CMIP: variants seen among roughly 807,000 people sequenced by gnomAD.
CMIP encodes C-Maf-inducing protein.
Under a neutral mutation model 97.3 loss-of-function variants are expected in CMIP, and 13 were observed. That is an observed-to-expected ratio of 0.13 (90% confidence interval 0.09 to 0.21). CMIP has a LOEUF of 0.21. Among genes scored for constraint, CMIP ranks in the 10% least tolerant of loss-of-function variants. The pLI, the probability that CMIP is intolerant of heterozygous loss-of-function variation, is 1.00. For missense variants in CMIP, 847 were observed against 1,024.9 expected, an observed-to-expected ratio of 0.83 and a Z score of 2.37; for synonymous variants, 538 against 436.3, an observed-to-expected ratio of 1.23 and a Z score of -2.91.
chr16:81,638,035 C>G (rs921841015), intron 3 of CMIP, among the ~76,000 whole-genome samples: 75 of 152,296 alleles, frequency 4.9e-4, no homozygotes, highest in African/African-American at 1.7e-3. Flanking sequence ...ACACCCCCCC[C>G]ACTGGGGATT....
chr16:81,597,133 C>G (rs1286072292), intron 1 of CMIP, among the ~76,000 whole-genome samples: 1 of 152,148 alleles, frequency 6.6e-6, no homozygotes, highest in Non-Finnish European at 1.5e-5. Context: ...TTTGGGAGCA[C>G]AAATATGGGC....
At chr16:81,480,700 T>C (rs1046789757) in intron 1 of CMIP, among the ~76,000 whole-genome samples, 1 of 152,206 alleles carries the variant, frequency 6.6e-6, no homozygotes, top group African/African-American at 2.4e-5. Context: ...TTGGGATTTA[T>C]GGGGTGCCAG....
intron 3 of CMIP, among the ~76,000 whole-genome samples, chr16:81,641,140 A>G (rs989433048): frequency 1.3e-5 from 2 of 152,180 alleles, no homozygotes; most frequent in Non-Finnish European, 2.9e-5. Context: ...TGGAATCTGC[A>G]TGGTAACCAG....
chr16:81,550,944 T>TCA (rs952503709), intron 1 of CMIP, among the ~76,000 whole-genome samples: 5 of 140,058 alleles, frequency 3.6e-5, no homozygotes, highest in Non-Finnish European at 7.6e-5. Flanking sequence ...CCCAGTTCCG[T>TCA]CACACACACC....
At chr16:81,460,550 C>T (rs924237900) in intron 1 of CMIP, among the ~76,000 whole-genome samples, 10 of 152,262 alleles carry the variant, frequency 6.6e-5, no homozygotes, top group East Asian at 3.9e-4. Flanking sequence ...CACACTTGGA[C>T]GGCTGGTCAC....
rs1178272985 is a variant in CMIP, at chr16:81,560,031, C to T, written c.301-47536C>T. Among the ~76,000 whole-genome samples, 4 of 151,548 alleles carry T rather than the reference C, an allele frequency of 2.6e-5. 1 individual carries two copies. The South Asian group carries it at 8.4e-4, about 32-fold the overall frequency. On this transcript the variant is annotated intron_variant, in intron 1 of 20. Coordinates refer to ENST00000537098, the MANE Select transcript of CMIP (RefSeq NM_198390.3). Reference sequence around the variant, plus strand: ...GGCATAGTGGTGTGCACCTGTAATCCCAGCTACTCAGGAGCCTGAGGAAGG... The same window carrying T: ...GGCATAGTGGTGTGCACCTGTAATCTCAGCTACTCAGGAGCCTGAGGAAGG...
At chr16:81,670,519 G>A (rs868413008) in intron 8 of CMIP, among the ~76,000 whole-genome samples, 2 of 151,588 alleles carry the variant, frequency 1.3e-5, no homozygotes, top group Middle Eastern at 3.4e-3. Context: ...CGTCATCGTC[G>A]GGTGCTTGAA....
rs771328771 is a variant in CMIP, at chr16:81,696,585, G to A, written c.1556G>A (p.Arg519Gln). 5 of 1,606,040 alleles carry A rather than the reference G, an allele frequency of 3.1e-6. No homozygotes were observed. The highest frequency in any genetic ancestry group is 2.2e-5 in the South Asian group (2 of 91,060). The change falls in exon 14 of 21, where the codon CGG becomes CAG. Residue 519 changes from arginine to glutamine, a missense_variant. Coordinates refer to ENST00000537098, the MANE Select transcript of CMIP (RefSeq NM_198390.3). ...GTCCACTCATGCCTGCTGAGCGTGC[G>A]GGCCGGCAAAGATGGCTGGTTCCAG... ...QEVHSCLLSVRAGKDGWFQLY... is the reference protein window; with the variant it reads ...QEVHSCLLSVQAGKDGWFQLY...
intron 3 of CMIP, among the ~76,000 whole-genome samples, chr16:81,625,590 A>G (rs2092050157): frequency 6.6e-6 from 1 of 152,198 alleles, no homozygotes; most frequent in Admixed American, 6.5e-5. Context: ...TTTACAAAGC[A>G]TTGAGAAGAT....
chr16:81,577,965 TAC>T lies in CMIP; in HGVS notation c.301-29600_301-29599del, dbSNP rs1491339048. ...TCACCACCATCATCCCCATTACCAC[TAC>T]ATTATTATCACTATCACCATCACCA... On this transcript the variant is annotated intron_variant, in intron 1 of 20. Transcript: ENST00000537098. 8.0e-4 allele frequency among the ~76,000 whole-genome samples: 119 copies of T among 149,516 alleles called. 1 individual carries two copies. The highest frequency in any genetic ancestry group is 7.0e-3 in the Middle Eastern group (2 of 284).
At chr16:81,706,286 T>G (rs1908129999) in intron 19 of CMIP, among the ~76,000 whole-genome samples, 1 of 152,060 alleles carries the variant, frequency 6.6e-6, no homozygotes, top group South Asian at 2.1e-4. Context: ...GAGGTGCTGT[T>G]GAGTCTGGGT....
chr16:81,630,812 G>T (rs1307070312), intron 3 of CMIP: 1 of 152,312 alleles, frequency 6.6e-6, no homozygotes, highest in African/African-American at 2.4e-5. Flanking sequence ...AAGGGATTCA[G>T]TGGAGAACTG....
chr16:81,682,545 A>G (rs1218347263), intron 10 of CMIP, among the ~76,000 whole-genome samples: 1 of 152,116 alleles, frequency 6.6e-6, no homozygotes, highest in African/African-American at 2.4e-5. Flanking sequence ...ATCCTGGGCA[A>G]CAAGAGCGAG....
At chr16:81,624,312 TA>T in intron 3 of CMIP, among the ~76,000 whole-genome samples, 1 of 152,322 alleles carries the variant, frequency 6.6e-6, no homozygotes. Context: ...CTGCACCCAT[TA>T]ACTTGTCATT....
intron 1 of CMIP, among the ~76,000 whole-genome samples, chr16:81,596,688 A>G (rs1478881520): frequency 6.6e-6 from 1 of 151,932 alleles, no homozygotes; most frequent in African/African-American, 2.4e-5. Flanking sequence ...TTCCAGCGCC[A>G]TCCCTCCATG....
chr16:81,615,817 T>C (rs1160034424), intron 2 of CMIP, among the ~76,000 whole-genome samples: 1 of 152,088 alleles, frequency 6.6e-6, no homozygotes, highest in Non-Finnish European at 1.5e-5. Context: ...TAGCTTGTTT[T>C]AGGTTCTCAA....
chr16:81,530,114 C>G (rs983233023), intron 1 of CMIP, among the ~76,000 whole-genome samples: 4 of 152,214 alleles, frequency 2.6e-5, no homozygotes, highest in African/African-American at 9.6e-5. Flanking sequence ...ATAAATTTAT[C>G]TCTATAGATC....
chr16:81,485,360 T>C (rs573284526), intron 1 of CMIP, among the ~76,000 whole-genome samples: 1 of 152,374 alleles, frequency 6.6e-6, no homozygotes, highest in South Asian at 2.1e-4. Context: ...CCGAGCTATT[T>C]CTACCTTTTG....
chr16:81,502,108 T>G (rs2089624365), intron 1 of CMIP, among the ~76,000 whole-genome samples: 1 of 152,120 alleles, frequency 6.6e-6, no homozygotes. Context: ...ACTGCCTAGC[T>G]CCGATGAGGA....
Sources: gnomAD v4.1 joint callset for allele counts (sites outside exome capture counted in the v4.1 genomes callset) on GRCh38, gnomAD v4.1.1 for gene constraint, MANE v1.5 for transcripts, NCBI Gene and HGNC (gene_info 2026-07-23, HGNC 2026-07-21) for gene names.